The following MGAT4C variants were observed in gnomAD, a reference collection of about 807,000 sequenced individuals.
The protein encoded by MGAT4C is MGAT4 family member C.
MGAT4C carries 19 observed loss-of-function variants against 40.1 expected under a neutral mutation model. The ratio of observed to expected loss-of-function variants is 0.47; its 90% CI spans 0.33 to 0.70. MGAT4C has a LOEUF of 0.70. Ranked by LOEUF, MGAT4C falls within the 30% of genes least tolerant of loss-of-function variation. The probability of loss-of-function intolerance (pLI) is 0.02; values close to 1 mark genes in which losing one functional copy is unlikely to be tolerated. For missense variants in MGAT4C, 491 were observed against 563.2 expected, an observed-to-expected ratio of 0.87 and a Z score of 1.30; for synonymous variants, 181 against 187.1, an observed-to-expected ratio of 0.97 and a Z score of 0.27.
intron 1 of MGAT4C, among the ~76,000 whole-genome samples, chr12:86,838,058 T>A (rs1313053792): frequency 6.6e-6 from 1 of 152,188 alleles, no homozygotes; most frequent in Non-Finnish European, 1.5e-5. Flanking sequence ...CATAATTAAC[T>A]GAAACTGTAG....
At chr12:86,197,048 C>G (rs1949842081) in intron 1 of MGAT4C, among the ~76,000 whole-genome samples, 2 of 152,210 alleles carry the variant, frequency 1.3e-5, no homozygotes, top group South Asian at 4.1e-4. Context: ...TCACCTTCAA[C>G]ACTGTGCTTC....
At chr12:86,082,099 C>T (rs1210878599) in intron 1 of MGAT4C, among the ~76,000 whole-genome samples, 1 of 152,106 alleles carries the variant, frequency 6.6e-6, no homozygotes, top group African/African-American at 2.4e-5. Context: ...GTGAATCATG[C>T]ATAAGCACTT....
At chr12:86,184,259 T>A (rs1453530115) in intron 1 of MGAT4C, among the ~76,000 whole-genome samples, 3 of 151,834 alleles carry the variant, frequency 2.0e-5, no homozygotes, top group Admixed American at 6.6e-5. Context: ...TGCCTATAAT[T>A]CCAGGTACTA....
At chr12:86,453,034 A>G (rs926053297) in intron 2 of MGAT4C, among the ~76,000 whole-genome samples, 9 of 152,176 alleles carry the variant, frequency 5.9e-5, no homozygotes, top group Non-Finnish European at 8.8e-5. Context: ...ATGAGGGAAT[A>G]AGTCTTATAT....
chr12:86,739,940 G>T (rs1951043675), intron 1 of MGAT4C, among the ~76,000 whole-genome samples: 1 of 150,890 alleles, frequency 6.6e-6, no homozygotes, highest in South Asian at 2.1e-4. Context: ...TAAATTGAGA[G>T]TCTATTTATA....
At chr12:86,196,122 C>A (rs138078046) in intron 1 of MGAT4C, among the ~76,000 whole-genome samples, 4 of 152,220 alleles carry the variant, frequency 2.6e-5, no homozygotes, top group African/African-American at 9.6e-5. Flanking sequence ...GATTAAGGTG[C>A]CAGCAAGGTT....
chr12:86,724,880 A>C (rs1424658417), intron 2 of MGAT4C, among the ~76,000 whole-genome samples: 3 of 152,220 alleles, frequency 2.0e-5, no homozygotes, highest in Non-Finnish European at 4.4e-5. Flanking sequence ...TTCTGTGCTG[A>C]AAGCGGATGT....
At chr12:86,603,608 TAA>T (rs1961906626) in intron 2 of MGAT4C, among the ~76,000 whole-genome samples, 2 of 124,686 alleles carry the variant, frequency 1.6e-5, no homozygotes, top group South Asian at 2.3e-4. Context: ...AGACTATAGA[TAA>T]TATATATTAT....
At chr12:86,654,159 G>T (rs1963775890) in intron 2 of MGAT4C, among the ~76,000 whole-genome samples, 1 of 151,902 alleles carries the variant, frequency 6.6e-6, no homozygotes, top group South Asian at 2.1e-4. Context: ...AGGAGAAACT[G>T]GAGAAAGTAA....
chr12:86,484,617 C>G (rs1042503089), intron 2 of MGAT4C, among the ~76,000 whole-genome samples: 1 of 152,230 alleles, frequency 6.6e-6, no homozygotes, highest in Non-Finnish European at 1.5e-5. Flanking sequence ...GGAGGATCCC[C>G]CACACTCAGA....
At chr12:86,377,889 A>G (rs982186107) in intron 3 of MGAT4C, among the ~76,000 whole-genome samples, 2 of 152,142 alleles carry the variant, frequency 1.3e-5, no homozygotes, top group African/African-American at 4.8e-5. Context: ...GTCCCTGGCA[A>G]CCACCATTCT....
intron 1 of MGAT4C, among the ~76,000 whole-genome samples, chr12:86,192,911 G>C (rs934810699): frequency 6.6e-6 from 1 of 152,022 alleles, no homozygotes. Context: ...ATAAGTTATT[G>C]TAGCATTATG....
At chr12:86,012,350 C>T (rs151023209) in intron 2 of MGAT4C, among the ~76,000 whole-genome samples, 1,992 of 152,254 alleles carry the variant, frequency 0.013, 17 homozygotes, top group Non-Finnish European at 0.019. Context: ...TAACAATATC[C>T]TTACTTCTCT....
At chr12:86,561,233 C>G (rs1959848788) in intron 2 of MGAT4C, among the ~76,000 whole-genome samples, 1 of 152,064 alleles carries the variant, frequency 6.6e-6, no homozygotes, top group East Asian at 1.9e-4. Flanking sequence ...AAAAATTATC[C>G]TATAACTCAT....
chr12:86,510,186 C>G (rs61950805), intron 2 of MGAT4C, among the ~76,000 whole-genome samples: 1 of 152,004 alleles, frequency 6.6e-6, no homozygotes, highest in Non-Finnish European at 1.5e-5. Flanking sequence ...CAGTATGATA[C>G]TGGCTGTGGG....
At chr12:86,067,305 A>T (rs1325380076) in intron 1 of MGAT4C, among the ~76,000 whole-genome samples, 1 of 152,178 alleles carries the variant, frequency 6.6e-6, no homozygotes, top group Non-Finnish European at 1.5e-5. Flanking sequence ...CTTGGAACCA[A>T]CCCAAATGCC....
At chr12:86,354,625 G>A (rs1273153649) in intron 3 of MGAT4C, among the ~76,000 whole-genome samples, 1 of 152,136 alleles carries the variant, frequency 6.6e-6, no homozygotes, top group East Asian at 1.9e-4. Flanking sequence ...AAATGACAAA[G>A]GAAAGAATTA....
At chr12:86,786,980 A>G (rs1951940851) in intron 1 of MGAT4C, among the ~76,000 whole-genome samples, 1 of 152,152 alleles carries the variant, frequency 6.6e-6, no homozygotes, top group South Asian at 2.1e-4. Context: ...TGTAAGCTTC[A>G]GGCCCATCAA....
At chr12:86,234,949 T>C (rs1951470620) in intron 1 of MGAT4C, among the ~76,000 whole-genome samples, 1 of 152,104 alleles carries the variant, frequency 6.6e-6, no homozygotes, top group Non-Finnish European at 1.5e-5. Context: ...ACGTCTCTTT[T>C]AGTGTTTTGT....
Sources: gnomAD v4.1 joint callset for allele counts (sites outside exome capture counted in the v4.1 genomes callset) on GRCh38, gnomAD v4.1.1 for gene constraint, MANE v1.5 for transcripts, NCBI Gene and HGNC (gene_info 2026-07-23, HGNC 2026-07-21) for gene names.